The following USP4 variants were observed in gnomAD, a reference collection of about 807,000 sequenced individuals.
The protein encoded by USP4 is ubiquitin carboxyl-terminal hydrolase 4.
In USP4, 72 loss-of-function variants were observed where a neutral mutation model predicts 118.2. The ratio of observed to expected loss-of-function variants is 0.61; its 90% CI spans 0.50 to 0.74. The LOEUF (loss-of-function observed/expected upper bound fraction) is 0.74. Ranked by LOEUF, USP4 falls within the 30% of genes least tolerant of loss-of-function variation. The probability of loss-of-function intolerance (pLI) is 0.00; values close to 1 mark genes in which losing one functional copy is unlikely to be tolerated. For missense variants in USP4, 1,037 were observed against 1,185.7 expected, an observed-to-expected ratio of 0.87 and a Z score of 1.84; for synonymous variants, 415 against 440.4, an observed-to-expected ratio of 0.94 and a Z score of 0.72.
At chr3:49,330,268 CATT>C (rs1553627157) in intron 2 of USP4, among the ~76,000 whole-genome samples, 1 of 152,108 alleles carries the variant, frequency 6.6e-6, no homozygotes, top group Non-Finnish European at 1.5e-5. Flanking sequence ...CATGAAACAA[CATT>C]AATCTCCTCA....
intron 10 of USP4, 32 bp downstream of exon 10, chr3:49,302,352 A>G (rs1192333287): frequency 6.2e-7 from 1 of 1,605,910 alleles, no homozygotes. Flanking sequence ...CTTCTTTGGC[A>G]TATTATCATT....
intron 8 of USP4, among the ~76,000 whole-genome samples, chr3:49,306,216 T>TG (rs1559471947): frequency 1.3e-5 from 2 of 151,694 alleles, no homozygotes; most frequent in African/African-American, 4.8e-5. Flanking sequence ...TTTTGTTTTT[T>TG]TTTTTTTTGA....
chr3:49,324,905 A>G lies in USP4; in HGVS notation c.622T>C (p.Tyr208His). Reference protein sequence around the residue: ...LDNTVQDAGLYQGQVLVIEPQ... With the variant: ...LDNTVQDAGLHQGQVLVIEPQ... ...CAGGGCCCTCCTACCTGACCCTGGT[A>G]TAGCCCAGCATCCTGGACAGTGTTG... Residue 208 changes from tyrosine to histidine, a missense_variant, in exon 5 of 22, where the codon TAC (tyrosine) becomes CAC (histidine). By Grantham distance (83) the Tyr-to-His change is moderately conservative. This residue lies in a region of USP4 where 487 missense variants were observed against 534.1 expected (regional missense o/e 0.91). Transcript: ENST00000265560. The G allele has an allele frequency of 6.2e-7, 1 of 1,614,180 alleles. No individual in the cohort carries two copies.
chr3:49,318,222 G>C (rs978660832), intron 6 of USP4: 7 of 628,582 alleles, frequency 1.1e-5, no homozygotes, highest in Non-Finnish European at 1.4e-5. Flanking sequence ...TCCCACATCA[G>C]CCTCTCAAAC....
chr3:49,281,489 TATAC>T (rs757895122), intron 19 of USP4, among the ~76,000 whole-genome samples: 316 of 109,120 alleles, frequency 2.9e-3, no homozygotes, highest in Middle Eastern at 0.015. Flanking sequence ...TATATATATA[TATAC>T]ACACACACAC....
At position 49,278,448 on chromosome 3, in the gene USP4, T is replaced by C. The variant is rs1368425164; in HGVS notation, c.2737A>G (p.Lys913Glu). The C allele has an allele frequency of 1.9e-6, 3 of 1,613,570 alleles. No homozygotes were observed. The highest frequency in any genetic ancestry group is 1.3e-5 in the African/African-American group (1 of 75,038). The part of the protein sequence containing the change: ...SLASEDQIVT[K>E]AAYVLFYQRR... ...TGGTAAAATAGCACATAAGCTGCTTTAGTCTGAAATACAAGAGGGGGAAAG... is the reference window on the plus strand; with the variant it reads ...TGGTAAAATAGCACATAAGCTGCTTCAGTCTGAAATACAAGAGGGGGAAAG... Residue 913 changes from lysine (K) to glutamate (E), a missense_variant, in exon 22 of 22, where the codon AAA (lysine) becomes GAA (glutamate). Physicochemically the swap from Lys to Glu is moderately conservative, Grantham distance 56. Around this residue, in one of 3 missense-constraint regions of USP4, gnomAD observed 522 missense variants for 592.6 expected, o/e 0.88. Transcript: ENST00000265560.
intron 1 of USP4, 56 bp downstream of exon 1, chr3:49,339,868 G>A: frequency 6.9e-7 from 1 of 1,439,372 alleles, no homozygotes; most frequent in Non-Finnish European, 9.7e-7. Context: ...GAAAAAGGAG[G>A]CCCCTTTTTC....
chr3:49,277,157 CG>C lies in USP4; in HGVS notation c.*1135del. The C allele has an allele frequency of 7.1e-7, 1 of 1,418,176 alleles. No individual in the cohort carries two copies. Among genetic ancestry groups the C allele is most frequent in the Non-Finnish European group, 9.3e-7 (1 of 1,071,400 alleles). The allele number at this position is 1,418,176 out of a possible 1,614,324, so 87.8% of individuals were successfully genotyped here. On this transcript the variant is annotated 3_prime_UTR_variant, in exon 22 of 22. Transcript: ENST00000265560. The stretch of plus-strand genomic sequence containing the variant: ...GGCCCTACCGGCACCCCCCCTTTGG[CG>C]AGTCGGCAGCCACGTCCTTGTCCTC...
At position 49,298,586 on chromosome 3, in the gene USP4, G is replaced by A; in HGVS notation, c.1562C>T (p.Ala521Val). The A allele has an allele frequency of 1.2e-6, 2 of 1,614,180 alleles. No individual in the cohort carries two copies. Among genetic ancestry groups the A allele is most frequent in the Non-Finnish European group, 1.7e-6 (2 of 1,180,024 alleles). Reference protein sequence around the residue: ...LMGAVSDLCEALSRLSGIAAE... With the variant: ...LMGAVSDLCEVLSRLSGIAAE... ...AGCAATGCCAGACAGCCTGGAGAGA[G>A]CCTCGCACAGGTCGGACACAGCCCC... The change falls in exon 12 of 22, where the codon GCT (alanine) becomes GTT (valine). Residue 521 changes from alanine to valine, a missense_variant. Physicochemically the swap from Ala to Val is moderately conservative, Grantham distance 64 (BLOSUM62 0). This residue lies in a region of USP4 where 522 missense variants were observed against 592.6 expected (regional missense o/e 0.88). Transcript: ENST00000265560.
chr3:49,300,593 T>C lies in USP4; in HGVS notation c.1386A>G (p.Pro462=). 2 of 1,614,266 alleles carry C rather than the reference T, an allele frequency of 1.2e-6. No individual in the cohort carries two copies. The highest frequency in any genetic ancestry group is 2.7e-5 in the African/African-American group (2 of 75,070). ...HGLFKSTLVC[P]ECAKVSVTFD... Reference sequence around the variant, plus strand: ...AGGTCACAGAAACCTTAGCACATTCTGGGCAAACCAAAGTAGATTTGAAGA... The same window carrying C: ...AGGTCACAGAAACCTTAGCACATTCCGGGCAAACCAAAGTAGATTTGAAGA... Residue 462 remains proline, a synonymous_variant, in exon 11 of 22, where the codon CCA becomes CCG. Transcript: ENST00000265560.
intron 2 of USP4, among the ~76,000 whole-genome samples, chr3:49,329,185 T>A (rs971381640): frequency 6.6e-6 from 1 of 151,958 alleles, no homozygotes; most frequent in African/African-American, 2.4e-5. Flanking sequence ...TCAAAAAAAA[T>A]AAAAATAAAA....
In USP4 at chr3:49,312,066, G is replaced by A. The variant is rs552584922; in HGVS notation, c.696-412C>T. The A allele has an allele frequency of 4.4e-5, 10 of 229,502 alleles. No homozygotes were observed. In the South Asian group the frequency reaches 7.0e-4, roughly 16 times the overall value. 14.2% of individuals were successfully genotyped at this position (229,502 alleles called of 1,614,324 possible). A position where few individuals can be genotyped will look rare whatever the true frequency, so the allele number is the denominator to read the frequency against. The stretch of plus-strand genomic sequence containing the variant: ...AGGTCGCGCGTGGTGGCTCATGCCT[G>A]TAATCTCAGCACTTTGGGAGGCCGA... On this transcript the variant is annotated intron_variant, in intron 6 of 21. Coordinates refer to ENST00000265560, the MANE Select transcript of USP4 (RefSeq NM_003363.4).
At chr3:49,310,789 C>T (rs1426547681) in intron 7 of USP4, 52 bp from the exon 8 acceptor site, 1 of 1,431,882 alleles carries the variant, frequency 7.0e-7, no homozygotes, top group Non-Finnish European at 9.8e-7. Context: ...AACACATGCC[C>T]TCAAGATGCT....
In USP4 at chr3:49,297,952, C is replaced by G; in HGVS notation, c.1609G>C (p.Asp537His). ...GIAAENMVVA[D>H]VYNHRFHKIF... ...TTGTGGAATCGGTGATTATACACAT[C>G]TGCGACCACCATCTAAGAATGAACA... is the stretch of plus-strand genomic sequence containing the variant. Residue 537 changes from aspartate to histidine, a missense_variant, in exon 13 of 22, where the codon GAT becomes CAT. Asp to His is a moderately conservative substitution (Grantham distance 81). Transcript: ENST00000265560. 6.2e-7 allele frequency: 1 copy of G among 1,612,610 alleles called. No homozygotes were observed. The highest frequency in any genetic ancestry group is 8.5e-7 in the Non-Finnish European group (1 of 1,178,638).
chr3:49,295,681 A>C (rs1014221065), intron 13 of USP4, among the ~76,000 whole-genome samples: 2 of 148,480 alleles, frequency 1.3e-5, no homozygotes, highest in African/African-American at 5.2e-5. Flanking sequence ...TCAAATTTTG[A>C]AACTAAACAT....
intron 6 of USP4, among the ~76,000 whole-genome samples, chr3:49,320,908 C>T (rs1414136452): frequency 2.0e-5 from 3 of 152,074 alleles, no homozygotes; most frequent in Non-Finnish European, 4.4e-5. Flanking sequence ...GTTTGAGAAC[C>T]CCAGTTTTTA....
intron 9 of USP4, among the ~76,000 whole-genome samples, chr3:49,303,654 C>A (rs1359426049): frequency 6.6e-6 from 1 of 152,144 alleles, no homozygotes; most frequent in African/African-American, 2.4e-5. Flanking sequence ...TATAACACAT[C>A]CATCACTGAG....
intron 6 of USP4, chr3:49,317,161 C>T: frequency 6.9e-7 from 1 of 1,444,596 alleles, no homozygotes; most frequent in Non-Finnish European, 9.7e-7. Flanking sequence ...CTTCAGGACA[C>T]TGAGCAAAGT....
chr3:49,308,302 A>G (rs1429678784), intron 8 of USP4, among the ~76,000 whole-genome samples: 2 of 152,034 alleles, frequency 1.3e-5, no homozygotes, highest in Non-Finnish European at 2.9e-5. Context: ...CTAGGTAATG[A>G]GTCAATCATA....
Sources: gnomAD v4.1 joint callset for allele counts (sites outside exome capture counted in the v4.1 genomes callset) on GRCh38, gnomAD v4.1.1 for gene constraint, gnomAD v4.1.1 regional missense constraint, MANE v1.5 for transcripts, NCBI Gene and HGNC (gene_info 2026-07-23, HGNC 2026-07-21) for gene names.